DCC: variants seen among roughly 807,000 people sequenced by gnomAD.
DCC encodes DCC netrin 1 receptor.
DCC carries 58 observed loss-of-function variants against 172.5 expected under a neutral mutation model. The observed-to-expected ratio is 0.34, with a 90% confidence interval of 0.27 to 0.42. The LOEUF is 0.42. DCC is among the 10% of genes least tolerant of loss of function. The pLI, the probability that DCC is intolerant of heterozygous loss-of-function variation, is 1.00. For missense variants in DCC, 1,740 were observed against 1,791.0 expected (o/e 0.97, Z 0.51); for synonymous variants, 709 against 644.5 (o/e 1.10, Z -1.52).
At chr18:52,618,483 A>G (rs1043717530) in intron 1 of DCC, among the ~76,000 whole-genome samples, 1 of 152,190 alleles carries the variant, frequency 6.6e-6, no homozygotes, top group Admixed American at 6.5e-5. Flanking sequence ...GGATCTGTAC[A>G]GATAAATGTA....
At chr18:52,512,320 G>C (rs1423271999) in intron 1 of DCC, among the ~76,000 whole-genome samples, 1 of 151,982 alleles carries the variant, frequency 6.6e-6, no homozygotes. Flanking sequence ...ATTTAATCTT[G>C]GTGCCACTAA....
At chr18:52,510,064 A>C (rs948178771) in intron 1 of DCC, among the ~76,000 whole-genome samples, 1 of 150,652 alleles carries the variant, frequency 6.6e-6, no homozygotes, top group Non-Finnish European at 1.5e-5. Flanking sequence ...AGATAGCACC[A>C]CTGCACTCCA....
intron 10 of DCC, 42 bp from the exon 11 acceptor site, chr18:53,207,637 A>T (rs1241355528): frequency 6.3e-7 from 1 of 1,589,412 alleles, no homozygotes; most frequent in Admixed American, 1.7e-5. Context: ...TTCTACTTTA[A>T]TGTGCTTCCT....
chr18:52,843,276 C>CT (rs2038835711), intron 2 of DCC, among the ~76,000 whole-genome samples: 1 of 152,108 alleles, frequency 6.6e-6, no homozygotes. Flanking sequence ...GATGATTTAG[C>CT]TTTAAGGGTA....
chr18:53,440,658 T>C (rs11664123), intron 22 of DCC, among the ~76,000 whole-genome samples: 36,766 of 152,106 alleles, frequency 0.24, 4,970 homozygotes, highest in East Asian at 0.41. Flanking sequence ...AAAGAAAAGA[T>C]ACAGAAACAA....
At chr18:53,010,854 G>T (rs1006882279) in intron 5 of DCC, among the ~76,000 whole-genome samples, 1 of 150,926 alleles carries the variant, frequency 6.6e-6, no homozygotes, top group African/African-American at 2.4e-5. Context: ...GTCCATTTTG[G>T]ATATATTGAT....
intron 5 of DCC, among the ~76,000 whole-genome samples, chr18:52,955,045 T>C (rs990931967): frequency 6.6e-6 from 1 of 152,164 alleles, no homozygotes; most frequent in African/African-American, 2.4e-5. Context: ...AATAAACCTA[T>C]ATTGAGACAT....
intron 5 of DCC, among the ~76,000 whole-genome samples, chr18:53,014,790 C>A (rs187248710): frequency 5.9e-5 from 9 of 151,964 alleles, no homozygotes; most frequent in African/African-American, 2.2e-4. Context: ...TGAATTGCTG[C>A]ATAAACATCT....
chr18:53,207,706 A>G lies in DCC; in HGVS notation c.1750A>G (p.Lys584Glu). The part of the protein sequence containing the change: ...QNIEVDGLSY[K>E]LEGLKKFTEY... The stretch of plus-strand genomic sequence containing the variant: ...TATAGAGGTTGATGGACTATCTTAT[A>G]AACTGGAAGGCCTGAAAAAATTCAC... Residue 584 changes from lysine (K) to glutamate (E), a missense_variant, in exon 11 of 29, where the codon AAA becomes GAA. Coordinates refer to ENST00000442544, the MANE Select transcript of DCC (RefSeq NM_005215.4). 6.2e-7 allele frequency: 1 copy of G among 1,613,740 alleles called. No individual in the cohort carries two copies. The highest frequency in any genetic ancestry group is 8.5e-7 in the Non-Finnish European group (1 of 1,179,734).
At chr18:53,024,588 A>T (rs1323622700) in intron 5 of DCC, among the ~76,000 whole-genome samples, 2 of 152,170 alleles carry the variant, frequency 1.3e-5, no homozygotes, top group Non-Finnish European at 2.9e-5. Context: ...ACAGAAATGT[A>T]ATTCCACAAA....
intron 2 of DCC, among the ~76,000 whole-genome samples, chr18:52,844,251 G>T (rs960204240): frequency 2.0e-5 from 3 of 152,130 alleles, no homozygotes; most frequent in African/African-American, 7.2e-5. Flanking sequence ...TTAGGCAAAT[G>T]CATCATTAGA....
intron 25 of DCC, 48 bp from the exon 26 acceptor site, chr18:53,486,749 A>C (rs761699954): frequency 4.3e-6 from 7 of 1,613,528 alleles, no homozygotes; most frequent in Non-Finnish European, 5.9e-6. Flanking sequence ...TTGCTTGTTG[A>C]GTGAATACAT....
chr18:52,603,083 C>T (rs1340490462), intron 1 of DCC, among the ~76,000 whole-genome samples: 1 of 152,054 alleles, frequency 6.6e-6, no homozygotes. Context: ...ATCACTGCTT[C>T]AAAATCACCT....
At chr18:52,987,419 T>G (rs2041313538) in intron 5 of DCC, among the ~76,000 whole-genome samples, 1 of 152,176 alleles carries the variant, frequency 6.6e-6, no homozygotes, top group African/African-American at 2.4e-5. Flanking sequence ...TGAGCAAATT[T>G]TTTTTACAAC....
intron 12 of DCC, among the ~76,000 whole-genome samples, chr18:53,291,511 A>G (rs999326858): frequency 1.3e-5 from 2 of 152,126 alleles, no homozygotes; most frequent in Non-Finnish European, 2.9e-5. Context: ...TCTAGTTTCC[A>G]TGTTCCAAAA....
At chr18:52,779,810 C>G (rs565562346) in intron 2 of DCC, among the ~76,000 whole-genome samples, 35 of 152,326 alleles carry the variant, frequency 2.3e-4, no homozygotes, top group Non-Finnish European at 4.1e-4. Flanking sequence ...TCCTCTCCAG[C>G]ATCTGTTGCT....
intron 27 of DCC, among the ~76,000 whole-genome samples, chr18:53,513,170 G>A (rs1274639184): frequency 6.6e-6 from 1 of 151,854 alleles, no homozygotes; most frequent in Non-Finnish European, 1.5e-5. Context: ...CATTCTTAAA[G>A]AAAAGAATTT....
intron 1 of DCC, among the ~76,000 whole-genome samples, chr18:52,491,502 T>G (rs896318028): frequency 2.6e-5 from 4 of 152,092 alleles, no homozygotes; most frequent in Admixed American, 1.3e-4. Flanking sequence ...TATGTTTATT[T>G]TATTTTTCAA....
chr18:53,068,951 A>C (rs1487273019), intron 7 of DCC, among the ~76,000 whole-genome samples: 1 of 152,018 alleles, frequency 6.6e-6, no homozygotes, highest in East Asian at 1.9e-4. Context: ...AGTTTCTTAG[A>C]AATACTTAAT....
Sources: allele counts gnomAD v4.1 joint callset (sites outside exome capture counted in the v4.1 genomes callset), GRCh38; gene constraint gnomAD v4.1.1; transcripts MANE v1.5; gene names NCBI Gene and HGNC (gene_info 2026-07-23, HGNC 2026-07-21).